Variants in PCDHAC1 observed in about 807,000 individuals in gnomAD.
PCDHAC1 encodes protocadherin alpha subfamily C, 1.
PCDHAC1 carries 42 observed loss-of-function variants against 60.0 expected under a neutral mutation model. That is an observed-to-expected ratio of 0.70 (90% CI 0.55 to 0.90). The LOEUF (loss-of-function observed/expected upper bound fraction) is 0.90. PCDHAC1 is among the 40% of genes least tolerant of loss of function. The probability of loss-of-function intolerance (pLI) is 0.00; values close to 1 mark genes in which losing one functional copy is unlikely to be tolerated. For missense variants in PCDHAC1, 1,160 were observed against 1,222.3 expected (o/e 0.95, Z 0.76); for synonymous variants, 468 against 499.3 (o/e 0.94, Z 0.84).
chr5:141,009,729 G>A lies in PCDHAC1; in HGVS notation c.2684G>A (p.Gly895Asp). 6.2e-7 allele frequency: 1 copy of A among 1,614,168 alleles called. No homozygotes were observed. The highest frequency in any genetic ancestry group is 8.5e-7 in the Non-Finnish European group (1 of 1,180,028). The change falls in exon 4 of 4, where the codon GGT (glycine) becomes GAT (aspartate). Residue 895 changes from glycine to aspartate, a missense_variant. Physicochemically the swap from Gly to Asp is moderately conservative, Grantham distance 94. This residue lies in a region of PCDHAC1 where 1,113 missense variants were observed against 1,163.7 expected (regional missense o/e 0.96). Transcript: ENST00000253807. ...GGCAACCCCAAACAATCCGGTCCCG[G>A]TGAGTTGCCCGACAAATTCATTATC... ...GPGNPKQSGP[G>D]ELPDKFIIPG...
chr5:140,982,288 T>G, intron 2 of PCDHAC1, 187 bp from the exon 3 acceptor site: 1 of 1,088,080 alleles, frequency 9.2e-7, no homozygotes, highest in Admixed American at 2.9e-5. Context: ...AGGCAATAAG[T>G]AAGTCAGCAA....
intron 1 of PCDHAC1, chr5:140,968,969 A>G (rs1554231287): frequency 1.9e-6 from 3 of 1,614,230 alleles, no homozygotes; most frequent in Non-Finnish European, 2.5e-6. Context: ...CTACCGCTAC[A>G]CTGCGTATGG....
In PCDHAC1 at chr5:141,010,350, G is replaced by A; in HGVS notation, c.*413G>A. The A allele has an allele frequency of 6.6e-7, 1 of 1,515,722 alleles. No individual in the cohort carries two copies. Among genetic ancestry groups the A allele is most frequent in the Non-Finnish European group, 8.8e-7 (1 of 1,132,152 alleles). The allele number at this position is 1,515,722 out of a possible 1,614,324, so 93.9% of individuals were successfully genotyped here. A position where few individuals can be genotyped will look rare whatever the true frequency, so the allele number is the denominator to read the frequency against. ...GGGAGTTTGTGGCCACTGGGTATGT[G>A]TGGCTACCGCGGGTATGCGAGTGCC... is the stretch of plus-strand genomic sequence containing the variant. On this transcript the variant is annotated 3_prime_UTR_variant, in exon 4 of 4. Transcript: ENST00000253807.
At chr5:140,941,255 C>CTTTCTCTT (rs782490896) in intron 1 of PCDHAC1, among the ~76,000 whole-genome samples, 24 of 44,510 alleles carry the variant, frequency 5.4e-4, no homozygotes, top group African/African-American at 1.5e-3. Flanking sequence ...TTCTTTCTTT[C>CTTTCTCTT]TCTTTCTTTC....
intron 1 of PCDHAC1, chr5:140,929,578 TA>T: frequency 2.2e-6 from 1 of 445,404 alleles, no homozygotes; most frequent in Non-Finnish European, 4.0e-6. Flanking sequence ...ATAAAAGTAA[TA>T]TGACATAAAG....
In PCDHAC1 at chr5:140,998,286, A is replaced by G. The variant is rs913397915; in HGVS notation, c.2582-11341A>G. Among the ~76,000 whole-genome samples, 51 of 152,230 alleles carry G rather than the reference A, an allele frequency of 3.4e-4. 1 individual carries two copies. Among genetic ancestry groups the G allele is most frequent in the Non-Finnish European group, 1.5e-5 (1 of 68,044 alleles). On this transcript the variant is annotated intron_variant, in intron 3 of 3. Coordinates refer to ENST00000253807, the MANE Select transcript of PCDHAC1 (RefSeq NM_018898.5). ...AAACTGACACCCATAGGATTAAATC[A>G]GATCACACATTTAGTAAGGGCACCA...
chr5:141,002,218 A>T (rs782352324), intron 3 of PCDHAC1, among the ~76,000 whole-genome samples: 124 of 152,272 alleles, frequency 8.1e-4, no homozygotes, highest in Admixed American at 3.6e-3. Context: ...AATCAAAATG[A>T]TGGGTTTTCT....
chr5:140,953,648 A>C (rs2094921161), intron 1 of PCDHAC1, among the ~76,000 whole-genome samples: 1 of 152,150 alleles, frequency 6.6e-6, no homozygotes, highest in Non-Finnish European at 1.5e-5. Flanking sequence ...CAGGAGCTAT[A>C]GTTGTTATCT....
At chr5:140,983,931 G>A (rs1398681067) in intron 3 of PCDHAC1, among the ~76,000 whole-genome samples, 1 of 152,190 alleles carries the variant, frequency 6.6e-6, no homozygotes, top group Non-Finnish European at 1.5e-5. Context: ...GCTATTTATG[G>A]ATGTTGCACA....
intron 1 of PCDHAC1, chr5:140,969,176 G>T (rs1554231542): frequency 6.2e-7 from 1 of 1,614,102 alleles, no homozygotes; most frequent in African/African-American, 1.3e-5. Context: ...CTCAGGGAGT[G>T]ACACTTTCAT....
At chr5:140,965,113 G>C (rs1343720863) in intron 1 of PCDHAC1, among the ~76,000 whole-genome samples, 1 of 152,218 alleles carries the variant, frequency 6.6e-6, no homozygotes, top group Non-Finnish European at 1.5e-5. Context: ...ATGACCCATA[G>C]AGGAAGATCT....
chr5:140,957,591 C>T (rs1554223040), intron 1 of PCDHAC1, among the ~76,000 whole-genome samples: 1 of 151,946 alleles, frequency 6.6e-6, no homozygotes, highest in African/African-American at 2.4e-5. Flanking sequence ...CAAAGCACTT[C>T]CCAGAATAAA....
chr5:141,002,284 A>T (rs1334096097), intron 3 of PCDHAC1, among the ~76,000 whole-genome samples: 1 of 152,180 alleles, frequency 6.6e-6, no homozygotes, highest in Non-Finnish European at 1.5e-5. Flanking sequence ...CAAAGGGATG[A>T]ATGGGGAGCA....
chr5:140,966,539 T>TCGGAGGCGAG (rs2096018089), intron 1 of PCDHAC1: 1 of 462,064 alleles, frequency 2.2e-6, no homozygotes, highest in Non-Finnish European at 3.7e-6. Flanking sequence ...GTTGAGCGAC[T>TCGGAGGCGAG]CGGAGGCGAG....
At chr5:140,966,709 G>T in intron 1 of PCDHAC1, 2 of 1,387,174 alleles carry the variant, frequency 1.4e-6, no homozygotes, top group Non-Finnish European at 1.9e-6. Flanking sequence ...CGTGGGGCAC[G>T]GCTGGGGAAG....
chr5:140,986,036 G>A (rs2097184937), intron 3 of PCDHAC1, among the ~76,000 whole-genome samples: 2 of 152,116 alleles, frequency 1.3e-5, no homozygotes, highest in Admixed American at 1.3e-4. Context: ...ACTGCGCCTG[G>A]CCTCACTGAT....
chr5:140,927,668 A>T lies in PCDHAC1; in HGVS notation c.776A>T (p.Asp259Val). 1 of 1,614,208 alleles carries T rather than the reference A, an allele frequency of 6.2e-7. No homozygotes were observed. Among genetic ancestry groups the T allele is most frequent in the Non-Finnish European group, 8.5e-7 (1 of 1,180,042 alleles). Residue 259 changes from aspartate (D) to valine (V), a missense_variant, in exon 1 of 4, where the codon GAT becomes GTT. Physicochemically the swap from Asp to Val is radical, Grantham distance 152. Around this residue, in one of 3 missense-constraint regions of PCDHAC1, gnomAD observed 1,113 missense variants for 1,163.7 expected, o/e 0.96. Coordinates refer to ENST00000253807, the MANE Select transcript of PCDHAC1 (RefSeq NM_018898.5). The stretch of plus-strand genomic sequence containing the variant: ...GTGTTATTCCGAGTTCAAGCCTTGG[A>T]TCCAGATGAAGGGTCCAATGGGGAA... ...GTVLFRVQALDPDEGSNGEVQ... is the reference protein window; with the variant it reads ...GTVLFRVQALVPDEGSNGEVQ...
chr5:140,953,871 A>G (rs2094944952), intron 1 of PCDHAC1, among the ~76,000 whole-genome samples: 1 of 152,146 alleles, frequency 6.6e-6, no homozygotes, highest in African/African-American at 2.4e-5. Context: ...TTTGCTGCAC[A>G]GATCAACCCA....
intron 1 of PCDHAC1, chr5:140,968,754 G>A (rs782271569): frequency 1.2e-5 from 19 of 1,614,052 alleles, no homozygotes; most frequent in South Asian, 2.2e-5. Context: ...GTGGTGGTCC[G>A]AGATAATGGA....
Sources: gnomAD v4.1 joint callset for allele counts (sites outside exome capture counted in the v4.1 genomes callset) on GRCh38, gnomAD v4.1.1 for gene constraint, gnomAD v4.1.1 regional missense constraint, MANE v1.5 for transcripts, NCBI Gene and HGNC (gene_info 2026-07-23, HGNC 2026-07-21) for gene names.